HCFC2: variants seen among roughly 807,000 people sequenced by gnomAD.
HCFC2 encodes the protein host cell factor 2.
A neutral mutation model predicts 89.2 loss-of-function variants in HCFC2; 18 were observed. The observed-to-expected ratio is 0.20, with a 90% CI of 0.14 to 0.30. HCFC2 has a LOEUF of 0.30. HCFC2 is among the 10% of genes least tolerant of loss of function. The pLI, the probability that HCFC2 is intolerant of heterozygous loss-of-function variation, is 1.00. For missense variants in HCFC2, 578 were observed against 956.1 expected (o/e 0.60, Z 5.21); for synonymous variants, 308 against 335.7 (o/e 0.92, Z 0.90).
Position 104,088,055 on chromosome 12 carries a change from A to G in HCFC2, c.1284+17A>G. ...CCTAACAGTGTAAGTAAAAAAGTGTATGAAGGTAATTGGATGTTTATGGTT... is the reference window on the plus strand; with the variant it reads ...CCTAACAGTGTAAGTAAAAAAGTGTGTGAAGGTAATTGGATGTTTATGGTT... On this transcript the variant is annotated intron_variant, in intron 9 of 14. Coordinates refer to ENST00000229330, the MANE Select transcript of HCFC2 (RefSeq NM_013320.3). 2 of 1,568,204 alleles carry G rather than the reference A, an allele frequency of 1.3e-6. No individual in the cohort carries two copies. The highest frequency in any genetic ancestry group is 2.3e-5 in the East Asian group (1 of 43,862).
intron 7 of HCFC2, among the ~76,000 whole-genome samples, chr12:104,083,664 G>A (rs1041408357): frequency 6.6e-6 from 1 of 152,098 alleles, no homozygotes; most frequent in African/African-American, 2.4e-5. Flanking sequence ...GGGGGTTATG[G>A]CAATGCTGTA....
At chr12:104,097,331 T>C (rs1314802720) in intron 12 of HCFC2, among the ~76,000 whole-genome samples, 2 of 152,162 alleles carry the variant, frequency 1.3e-5, no homozygotes, top group Non-Finnish European at 2.9e-5. Context: ...TTTAGACTCT[T>C]CTTAGGGAAG....
At chr12:104,077,532 G>A (rs1311365456) in intron 3 of HCFC2, among the ~76,000 whole-genome samples, 3 of 149,468 alleles carry the variant, frequency 2.0e-5, no homozygotes, top group African/African-American at 7.4e-5. Flanking sequence ...ATGAGCCACC[G>A]TGCCTGGCCC....
chr12:104,084,883 G>A (rs1321949242), intron 7 of HCFC2, among the ~76,000 whole-genome samples: 1 of 152,172 alleles, frequency 6.6e-6, no homozygotes, highest in African/African-American at 2.4e-5. Flanking sequence ...AATGGAGGAT[G>A]AAGTTTTTAG....
rs199852582 is a variant in HCFC2 at position 104,102,950 on chromosome 12, C to T, written c.2065-9C>T. 13 of 1,590,690 alleles carry T rather than the reference C, an allele frequency of 8.2e-6. No homozygotes were observed. The highest frequency in any genetic ancestry group is 4.5e-5 in the South Asian group (4 of 88,696). ...AACCTTTAACCTGTTTTTTCCCCCCCCCTTCAAGAATGTTGAAGGTATCCA... is the reference window on the plus strand; with the variant it reads ...AACCTTTAACCTGTTTTTTCCCCCCTCCTTCAAGAATGTTGAAGGTATCCA... On this transcript the variant is annotated splice_polypyrimidine_tract_variant and intron_variant, in intron 14 of 14. Transcript: ENST00000229330.
At chr12:104,082,473 T>C (rs376231230) in intron 5 of HCFC2, 27 bp from the exon 6 acceptor site, 1 of 1,378,190 alleles carries the variant, frequency 7.3e-7, no homozygotes, top group African/African-American at 1.4e-5. Context: ...ATAAGCTACT[T>C]TATGTTTTTG....
Position 104,078,595 on chromosome 12 carries a change from T to C in HCFC2, c.474-850T>C, listed in dbSNP as rs542944442. ...TTTAAAAGTTACAAAGCAGCATTTTTAGTATGCCTCATTTATCCATATGTG... is the reference window on the plus strand; with the variant it reads ...TTTAAAAGTTACAAAGCAGCATTTTCAGTATGCCTCATTTATCCATATGTG... On this transcript the variant is annotated intron_variant, in intron 3 of 14. Transcript: ENST00000229330. 7.2e-5 allele frequency among the ~76,000 whole-genome samples: 11 copies of C among 152,346 alleles called. 1 individual carries two copies. The highest frequency in any genetic ancestry group is 2.6e-4 in the African/African-American group (11 of 41,580).
chr12:104,094,403 C>T (rs146993897), intron 10 of HCFC2, among the ~76,000 whole-genome samples: 17 of 151,830 alleles, frequency 1.1e-4, no homozygotes, highest in African/African-American at 3.6e-4. Context: ...ATGTAAAGGG[C>T]GACAAGAAGA....
In HCFC2 at chr12:104,068,220, C is replaced by A; in HGVS notation, c.473+113C>A. ...TGATGCTTAGCTTTTTGCATTTCAA[C>A]CTAACAGTGGACAGATTTGTGTGTG... is the stretch of plus-strand genomic sequence containing the variant. On this transcript the variant is annotated intron_variant, in intron 3 of 14. Coordinates refer to ENST00000229330, the MANE Select transcript of HCFC2 (RefSeq NM_013320.3). This position sits in a 1 kb window ranked among gnomAD's most constrained non-coding sequence, Gnocchi z 4.1. 1 of 857,388 alleles carries A rather than the reference C, an allele frequency of 1.2e-6. No homozygotes were observed. 53.1% of individuals were successfully genotyped at this position (857,388 alleles called of 1,614,324 possible).
intron 2 of HCFC2, 138 bp from the exon 3 acceptor site, chr12:104,067,809 A>G (rs908746429): frequency 1.5e-6 from 1 of 645,956 alleles, no homozygotes; most frequent in Non-Finnish European, 2.4e-6. Context: ...GTTATTTGTC[A>G]TTTGTCCCAA....
intron 13 of HCFC2, among the ~76,000 whole-genome samples, chr12:104,100,586 T>C (rs986987215): frequency 1.3e-5 from 2 of 151,866 alleles, no homozygotes; most frequent in African/African-American, 4.8e-5. Flanking sequence ...AAAAAAAAAT[T>C]ATTAAATGGA....
chr12:104,106,420 G>C lies in HCFC2; in HGVS notation c.*3147G>C, dbSNP rs1274351799. The stretch of plus-strand genomic sequence containing the variant: ...ATAGACTTGGTCTTTGACCCTTTAA[G>C]GTGTAACTGACTGACTGTTGTGTTT... On this transcript the variant is annotated 3_prime_UTR_variant, in exon 15 of 15. Transcript: ENST00000229330. 6.6e-6 allele frequency: 1 copy of C among 152,066 alleles called. No individual in the cohort carries two copies. The highest frequency in any genetic ancestry group is 1.5e-5 in the Non-Finnish European group (1 of 67,982). The allele number at this position is 152,066 out of a possible 1,614,324, so 9.4% of individuals were successfully genotyped here. A position where few individuals can be genotyped will look rare whatever the true frequency, so the allele number is the denominator to read the frequency against.
chr12:104,102,948 C>A lies in HCFC2; in HGVS notation c.2065-11C>A. The A allele has an allele frequency of 1.3e-6, 2 of 1,588,852 alleles. No individual in the cohort carries two copies. The highest frequency in any genetic ancestry group is 1.7e-6 in the Non-Finnish European group (2 of 1,163,978). On this transcript the variant is annotated splice_polypyrimidine_tract_variant and intron_variant, in intron 14 of 14. Coordinates refer to ENST00000229330, the MANE Select transcript of HCFC2 (RefSeq NM_013320.3). ...AGAACCTTTAACCTGTTTTTTCCCCCCCCCTTCAAGAATGTTGAAGGTATC... is the reference window on the plus strand; with the variant it reads ...AGAACCTTTAACCTGTTTTTTCCCCACCCCTTCAAGAATGTTGAAGGTATC...
Position 104,105,297 on chromosome 12 carries a change from T to C in HCFC2, c.*2024T>C, listed in dbSNP as rs2030055980. ...AGAAAAAGTTTGGCTTTTAACCCTTTCTTCTCTGCATTAATTAACAACGTG... is the reference window on the plus strand; with the variant it reads ...AGAAAAAGTTTGGCTTTTAACCCTTCCTTCTCTGCATTAATTAACAACGTG... On this transcript the variant is annotated 3_prime_UTR_variant, in exon 15 of 15. Transcript: ENST00000229330. 1 of 152,106 alleles carries C rather than the reference T, an allele frequency of 6.6e-6. No homozygotes were observed. Among genetic ancestry groups the C allele is most frequent in the Non-Finnish European group, 1.5e-5 (1 of 67,936 alleles). 9.4% of individuals were successfully genotyped at this position (152,106 alleles called of 1,614,324 possible).
intron 12 of HCFC2, among the ~76,000 whole-genome samples, chr12:104,097,405 T>G (rs575205517): frequency 3.2e-4 from 48 of 152,272 alleles, no homozygotes; most frequent in African/African-American, 1.1e-3. Flanking sequence ...AGAATTGTAT[T>G]TGTTATTTGA....
chr12:104,066,347 G>A (rs1566222568), intron 2 of HCFC2, 32 bp downstream of exon 2: 1 of 1,485,700 alleles, frequency 6.7e-7, no homozygotes, highest in East Asian at 2.4e-5. Flanking sequence ...TCATTCTGAG[G>A]CTTTAATAAT....
chr12:104,083,431 G>A (rs575674809), intron 7 of HCFC2, among the ~76,000 whole-genome samples: 43 of 152,254 alleles, frequency 2.8e-4, no homozygotes, highest in Admixed American at 4.6e-4. Context: ...AACAAGGGAA[G>A]ACTAAGAAAT....
Position 104,093,421 on chromosome 12 carries a change from G to A in HCFC2, c.1320G>A (p.Gln440=), listed in dbSNP as rs145387603. The A allele has an allele frequency of 3.8e-4, 621 of 1,613,178 alleles. No individual in the cohort carries two copies. Among genetic ancestry groups the A allele is most frequent in the Non-Finnish European group, 5.0e-4 (592 of 1,179,564 alleles). Residue 440 remains glutamine (Q), a synonymous_variant, in exon 10 of 15, where the codon CAG becomes CAA. Coordinates refer to ENST00000229330, the MANE Select transcript of HCFC2 (RefSeq NM_013320.3). ...NDTINSTKTE[Q]PATKETSMKN... ...CAATAAACAGCACAAAAACTGAACA[G>A]CCAGCCACAAAAGAAACTTCAATGA... is the stretch of plus-strand genomic sequence containing the variant.
intron 13 of HCFC2, among the ~76,000 whole-genome samples, chr12:104,099,213 A>G (rs1410071865): frequency 1.3e-5 from 2 of 152,090 alleles, no homozygotes; most frequent in African/African-American, 4.8e-5. Context: ...TTAAACAACC[A>G]GATCTCATGA....
Sources: gnomAD v4.1 joint callset for allele counts (sites outside exome capture counted in the v4.1 genomes callset) on GRCh38, gnomAD v4.1.1 for gene constraint, Gnocchi (gnomAD v3.1) non-coding constraint, MANE v1.5 for transcripts, NCBI Gene and HGNC (gene_info 2026-07-23, HGNC 2026-07-21) for gene names.